The following CASP4 variants were observed in gnomAD, a reference collection of about 807,000 sequenced individuals.
CASP4 encodes the protein caspase 4, also known as caspase-4.
In CASP4, 29 loss-of-function variants were observed where a neutral mutation model predicts 41.3. The observed-to-expected ratio is 0.70, with a 90% confidence interval of 0.52 to 0.96. The LOEUF is 0.96. Among genes scored for constraint, CASP4 ranks in the 40% least tolerant of loss-of-function variants. CASP4 has a pLI of 0.00. For synonymous variants in CASP4, 185 were observed against 158.4 expected, an observed-to-expected ratio of 1.17 and a Z score of -1.26; for missense variants, 447 against 460.6, an observed-to-expected ratio of 0.97 and a Z score of 0.27.
At chr11:104,946,675 A>T (rs1286385331) in intron 7 of CASP4, 1 of 153,298 alleles carries the variant, frequency 6.5e-6, no homozygotes, top group Admixed American at 6.5e-5. Context: ...CAGTATCCAT[A>T]TCTCCCACGA....
At chr11:104,951,567 A>G (rs1028948583) in intron 3 of CASP4, 4 of 357,628 alleles carry the variant, frequency 1.1e-5, no homozygotes, top group African/African-American at 8.3e-5. Context: ...AGTGCAACCA[A>G]TTACAAGTCA....
intron 1 of CASP4, among the ~76,000 whole-genome samples, chr11:104,965,888 C>G (rs898725086): frequency 6.6e-6 from 1 of 152,154 alleles, no homozygotes; most frequent in African/African-American, 2.4e-5. Context: ...GATCAGCTGA[C>G]ACCACCCAAA....
chr11:104,949,443 C>G, intron 5 of CASP4, 100 bp downstream of exon 5: 1 of 1,236,400 alleles, frequency 8.1e-7, no homozygotes, highest in Non-Finnish European at 1.2e-6. Flanking sequence ...TTTATTTACA[C>G]TGGATGAGGT....
intron 2 of CASP4, 70 bp downstream of exon 2, chr11:104,954,677 C>T: frequency 7.2e-7 from 1 of 1,380,948 alleles, no homozygotes; most frequent in South Asian, 1.3e-5. Context: ...ACAGAAGACA[C>T]TGCTTAGGCC....
intron 1 of CASP4, among the ~76,000 whole-genome samples, chr11:104,958,960 C>CAAAAAAAAAA (rs56678254): frequency 1.6e-5 from 1 of 62,466 alleles, no homozygotes; most frequent in African/African-American, 6.0e-5. Context: ...GACTCTGTCT[C>CAAAAAAAAAA]AAAAAAAAAA....
At chr11:104,953,344 A>G (rs1860661064) in intron 2 of CASP4, among the ~76,000 whole-genome samples, 1 of 152,074 alleles carries the variant, frequency 6.6e-6, no homozygotes, top group African/African-American at 2.4e-5. Flanking sequence ...TCTGCTAATC[A>G]GATAGATTAC....
At chr11:104,954,707 G>A in intron 2 of CASP4, 40 bp downstream of exon 2, 4 of 1,591,062 alleles carry the variant, frequency 2.5e-6, no homozygotes, top group African/African-American at 1.3e-5. Context: ...AACAGATTTA[G>A]GGAAAATTGA....
At chr11:104,950,333 A>G (rs1440562794) in intron 4 of CASP4, among the ~76,000 whole-genome samples, 1 of 151,956 alleles carries the variant, frequency 6.6e-6, no homozygotes, top group East Asian at 1.9e-4. Flanking sequence ...AACCAACCCA[A>G]AAACGTTGCT....
chr11:104,943,041 C>G (rs577047334), intron 8 of CASP4, 68 bp from the exon 9 acceptor site: 20 of 448,092 alleles, frequency 4.5e-5, no homozygotes, highest in Non-Finnish European at 4.9e-5. Flanking sequence ...CATCCCTCAT[C>G]ATGATTCTTC....
chr11:104,968,227 G>T (rs78465012), intron 1 of CASP4, among the ~76,000 whole-genome samples: 3,685 of 152,264 alleles, frequency 0.024, 129 homozygotes, highest in African/African-American at 0.077. Context: ...GAAACTTCTA[G>T]AATTGTCTCA....
intron 1 of CASP4, among the ~76,000 whole-genome samples, chr11:104,966,338 A>T (rs778855672): frequency 6.6e-6 from 1 of 152,234 alleles, no homozygotes; most frequent in Non-Finnish European, 1.5e-5. Context: ...TTTAATGAGC[A>T]TAAATTCTTG....
intron 1 of CASP4, among the ~76,000 whole-genome samples, chr11:104,964,370 A>G (rs1288802195): frequency 6.6e-6 from 1 of 152,226 alleles, no homozygotes; most frequent in African/African-American, 2.4e-5. Flanking sequence ...ATTTCTTTAG[A>G]GATATTTGCA....
At chr11:104,968,373 A>T (rs539122154) in intron 1 of CASP4, 146 bp downstream of exon 1, 184 of 718,834 alleles carry the variant, frequency 2.6e-4, no homozygotes, top group Admixed American at 4.0e-4. Flanking sequence ...ACCAGGTCCC[A>T]TGATTCAAAC....
At chr11:104,966,469 T>A (rs1194147271) in intron 1 of CASP4, among the ~76,000 whole-genome samples, 1 of 152,130 alleles carries the variant, frequency 6.6e-6, no homozygotes, top group Non-Finnish European at 1.5e-5. Context: ...TATAAGAATG[T>A]AAATAATTAG....
chr11:104,944,953 C>G (rs1303487701), intron 7 of CASP4, 102 bp from the exon 8 acceptor site: 1 of 810,516 alleles, frequency 1.2e-6, no homozygotes, highest in Non-Finnish European at 2.1e-6. Context: ...AGTGAGCTTG[C>G]AGGTTTCATA....
Position 104,944,815 on chromosome 11 carries a change from G to C in CASP4, c.1072C>G (p.Gln358Glu). ...GACAGTCGTTCTATGGTGGGCATTTGAGCTTTGGCCCTTGGAGTTTCAAAT... is the reference window on the plus strand; with the variant it reads ...GACAGTCGTTCTATGGTGGGCATTTCAGCTTTGGCCCTTGGAGTTTCAAAT... ...QSFETPRAKA[Q>E]MPTIERLSMT... The change falls in exon 8 of 9, where the codon CAA becomes GAA. Residue 358 changes from glutamine (Q) to glutamate (E), a missense_variant. By Grantham distance (29) the Gln-to-Glu change is conservative. Coordinates refer to ENST00000444739, the MANE Select transcript of CASP4 (RefSeq NM_001225.4). The C allele has an allele frequency of 6.2e-7, 1 of 1,613,600 alleles. No individual in the cohort carries two copies. Among genetic ancestry groups the C allele is most frequent in the East Asian group, 2.2e-5 (1 of 44,864 alleles).
intron 1 of CASP4, among the ~76,000 whole-genome samples, chr11:104,958,117 T>C (rs892534880): frequency 2.6e-5 from 4 of 152,060 alleles, no homozygotes; most frequent in African/African-American, 7.2e-5. Flanking sequence ...TCTCTAAACA[T>C]ATACAAAAAT....
intron 2 of CASP4, among the ~76,000 whole-genome samples, chr11:104,954,243 T>A (rs1297415688): frequency 6.6e-6 from 1 of 152,182 alleles, no homozygotes; most frequent in Non-Finnish European, 1.5e-5. Context: ...TTGAATATGT[T>A]GCTAGAGCTA....
At chr11:104,948,773 G>T in intron 5 of CASP4, 97 bp from the exon 6 acceptor site, 1 of 1,071,888 alleles carries the variant, frequency 9.3e-7, no homozygotes, top group Non-Finnish European at 1.3e-6. Context: ...ATTCTTACTA[G>T]TTTCATACAT....
Sources: allele counts gnomAD v4.1 joint callset (sites outside exome capture counted in the v4.1 genomes callset), GRCh38; gene constraint gnomAD v4.1.1; transcripts MANE v1.5; gene names NCBI Gene and HGNC (gene_info 2026-07-23, HGNC 2026-07-21).